CCDC38: variants seen among roughly 807,000 people sequenced by gnomAD.
The protein encoded by CCDC38 is coiled-coil domain containing 38.
In CCDC38, 69 loss-of-function variants were observed where a neutral mutation model predicts 72.8. The ratio of observed to expected loss-of-function variants is 0.95; its 90% confidence interval spans 0.78 to 1.16. The LOEUF (loss-of-function observed/expected upper bound fraction) is 1.16, where lower values mean the gene tolerates loss of function less well. Among genes scored for constraint, CCDC38 ranks in the 50% most tolerant of loss-of-function variants. The pLI is 0.00. For synonymous variants in CCDC38, 201 were observed against 213.2 expected, an observed-to-expected ratio of 0.94 and a Z score of 0.50; for missense variants, 626 against 638.9, an observed-to-expected ratio of 0.98 and a Z score of 0.22.
intron 13 of CCDC38, among the ~76,000 whole-genome samples, chr12:95,874,680 G>T (rs544256546): frequency 6.6e-6 from 1 of 152,320 alleles, no homozygotes; most frequent in Admixed American, 6.5e-5. Context: ...CTCGGAGGAG[G>T]AGCTGCCAAG....
In CCDC38 at chr12:95,893,401, TCTTC is replaced by T. The variant is rs1357627504; in HGVS notation, c.772+1584_772+1587del. Among the ~76,000 whole-genome samples the T allele has an allele frequency of 9.5e-3, 1,263 of 133,052 alleles. 111 individuals are homozygous for T. The Admixed American group carries it at 0.099, about 10-fold the overall frequency. 87.3% of individuals were successfully genotyped at this position (133,052 alleles called of 152,430 possible). A position where few individuals can be genotyped will look rare whatever the true frequency, so the allele number is the denominator to read the frequency against. ...GACAGGTTTTCTTAGATTTAACTTATCTTCCTTCCCTCCCTCCCTCCCTCCCTCC... is the reference window on the plus strand; with the variant it reads ...GACAGGTTTTCTTAGATTTAACTTATCTTCCCTCCCTCCCTCCCTCCCTCC... On this transcript the variant is annotated intron_variant, in intron 8 of 15. Coordinates refer to ENST00000344280, the MANE Select transcript of CCDC38 (RefSeq NM_182496.3).
intron 1 of CCDC38, 126 bp from the exon 2 acceptor site, chr12:95,936,649 C>T (rs529068586): frequency 1.4e-4 from 82 of 602,004 alleles, no homozygotes; most frequent in Non-Finnish European, 2.0e-4. Flanking sequence ...CACACACATA[C>T]TCTTTGACCC....
At chr12:95,887,559 A>G (rs2079773269) in intron 10 of CCDC38, among the ~76,000 whole-genome samples, 1 of 152,238 alleles carries the variant, frequency 6.6e-6, no homozygotes. Context: ...TAACACAATC[A>G]TAGAAATGCA....
At chr12:95,928,515 A>G (rs1278830879) in intron 2 of CCDC38, among the ~76,000 whole-genome samples, 1 of 152,160 alleles carries the variant, frequency 6.6e-6, no homozygotes, top group Admixed American at 6.5e-5. Context: ...TAATTTGATC[A>G]TCTGAAGCCT....
chr12:95,914,849 T>C (rs1164702630), intron 4 of CCDC38, among the ~76,000 whole-genome samples: 1 of 152,176 alleles, frequency 6.6e-6, no homozygotes, highest in Non-Finnish European at 1.5e-5. Flanking sequence ...TCAATTTCTC[T>C]GTAGAATTTC....
At chr12:95,870,493 C>T (rs762141438) in intron 14 of CCDC38, among the ~76,000 whole-genome samples, 1 of 152,068 alleles carries the variant, frequency 6.6e-6, no homozygotes, top group African/African-American at 2.4e-5. Flanking sequence ...AAATTAGGTG[C>T]CGTGTTAGGT....
At chr12:95,936,631 G>T in intron 1 of CCDC38, 108 bp from the exon 2 acceptor site, 2 of 784,542 alleles carry the variant, frequency 2.5e-6, no homozygotes, top group Admixed American at 2.6e-5. Flanking sequence ...GCTTTTAAAA[G>T]CAGTGAGCAC....
intron 1 of CCDC38, among the ~76,000 whole-genome samples, chr12:95,941,007 C>T (rs181474684): frequency 6.6e-6 from 1 of 152,152 alleles, no homozygotes; most frequent in African/African-American, 2.4e-5. Flanking sequence ...TTGGTTATTA[C>T]CAAGGAAAAA....
chr12:95,899,899 G>A (rs1447064096), intron 5 of CCDC38, among the ~76,000 whole-genome samples: 3 of 152,174 alleles, frequency 2.0e-5, no homozygotes, highest in Admixed American at 1.3e-4. Flanking sequence ...TGATGAAAGC[G>A]GGATGGGGTG....
chr12:95,898,130 T>C (rs1302785395), intron 7 of CCDC38, among the ~76,000 whole-genome samples: 2 of 152,210 alleles, frequency 1.3e-5, no homozygotes, highest in South Asian at 2.1e-4. Context: ...TTATTCCTAA[T>C]TGTTTTGCTT....
chr12:95,918,800 C>G, intron 3 of CCDC38, 76 bp downstream of exon 3: 1 of 988,780 alleles, frequency 1.0e-6, no homozygotes, highest in Non-Finnish European at 1.6e-6. Flanking sequence ...CTCAGCCCAG[C>G]AAAGTTCATA....
chr12:95,923,699 C>G (rs865873365), intron 2 of CCDC38, among the ~76,000 whole-genome samples: 2 of 152,116 alleles, frequency 1.3e-5, no homozygotes, highest in East Asian at 1.9e-4. Flanking sequence ...CCACTCCCCC[C>G]ACTCCACAAC....
chr12:95,906,514 T>C, intron 4 of CCDC38, 63 bp from the exon 5 acceptor site: 1 of 1,106,576 alleles, frequency 9.0e-7, no homozygotes, highest in Non-Finnish European at 1.4e-6. Context: ...CTGTATAAAA[T>C]AAAAGCCATA....
intron 15 of CCDC38, among the ~76,000 whole-genome samples, chr12:95,867,641 A>G (rs530164791): frequency 2.0e-5 from 3 of 152,324 alleles, no homozygotes; most frequent in South Asian, 4.1e-4. Flanking sequence ...ACCATGTACC[A>G]TCTTGAATAC....
At chr12:95,940,048 T>C (rs2056395173) in intron 1 of CCDC38, among the ~76,000 whole-genome samples, 1 of 152,210 alleles carries the variant, frequency 6.6e-6, no homozygotes, top group Non-Finnish European at 1.5e-5. Context: ...ACAGATAATA[T>C]ATGCAAAGTG....
At chr12:95,887,716 A>C (rs2079775644) in intron 10 of CCDC38, among the ~76,000 whole-genome samples, 1 of 152,234 alleles carries the variant, frequency 6.6e-6, no homozygotes, top group Admixed American at 6.5e-5. Flanking sequence ...TTTGTGCTAC[A>C]GTTTTGCAAG....
chr12:95,916,381 C>CTTCCTTCCTTCCT (rs2080144233), intron 4 of CCDC38, among the ~76,000 whole-genome samples: 2 of 80,826 alleles, frequency 2.5e-5, no homozygotes, highest in African/African-American at 8.9e-5. Flanking sequence ...GCCTGCCTGC[C>CTTCCTTCCTTCCT]TTCCTTCCTT....
intron 4 of CCDC38, among the ~76,000 whole-genome samples, chr12:95,916,672 A>C (rs1324211977): frequency 6.6e-6 from 1 of 152,078 alleles, no homozygotes; most frequent in Non-Finnish European, 1.5e-5. Flanking sequence ...TGTTGCCTCC[A>C]AAGGTCACTA....
chr12:95,869,969 G>GCC (rs2079563178), intron 14 of CCDC38, among the ~76,000 whole-genome samples: 2 of 152,120 alleles, frequency 1.3e-5, no homozygotes, highest in Admixed American at 6.5e-5. Flanking sequence ...GATTACAGGT[G>GCC]CATGCCACCA....
Sources: gnomAD v4.1 joint callset for allele counts (sites outside exome capture counted in the v4.1 genomes callset) on GRCh38, gnomAD v4.1.1 for gene constraint, MANE v1.5 for transcripts, NCBI Gene and HGNC (gene_info 2026-07-23, HGNC 2026-07-21) for gene names.